The following MYO18B variants were observed in gnomAD, a reference collection of about 807,000 sequenced individuals.
The protein encoded by MYO18B is unconventional myosin-XVIIIb.
In MYO18B, 204 loss-of-function variants were observed where a neutral mutation model predicts 273.0. The observed-to-expected ratio is 0.75, with a 90% CI of 0.67 to 0.84. The LOEUF (loss-of-function observed/expected upper bound fraction) is 0.84, where lower values mean the gene tolerates loss of function less well. Ranked by LOEUF, MYO18B falls within the 40% of genes least tolerant of loss-of-function variation. The pLI is 0.00. For synonymous variants in MYO18B, 1,330 were observed against 1,305.7 expected, an observed-to-expected ratio of 1.02 and a Z score of -0.40; for missense variants, 3,212 against 3,287.6, an observed-to-expected ratio of 0.98 and a Z score of 0.56.
At chr22:25,802,690 T>C (rs2088260025) in intron 12 of MYO18B, among the ~76,000 whole-genome samples, 1 of 149,584 alleles carries the variant, frequency 6.7e-6, no homozygotes, top group South Asian at 2.2e-4. Context: ...GAGGCAGAGC[T>C]TGCGGTGAGC....
At chr22:25,859,833 A>T (rs2090679385) in intron 21 of MYO18B, among the ~76,000 whole-genome samples, 1 of 152,168 alleles carries the variant, frequency 6.6e-6, no homozygotes, top group African/African-American at 2.4e-5. Context: ...ATAATGATGC[A>T]CAGAGATTTT....
chr22:25,809,295 G>T (rs1466438793), intron 12 of MYO18B, among the ~76,000 whole-genome samples: 1 of 152,092 alleles, frequency 6.6e-6, no homozygotes, highest in Admixed American at 6.5e-5. Flanking sequence ...GAGTTGATGT[G>T]CATCTCCCTG....
At chr22:25,953,660 A>C (rs2092817148) in intron 38 of MYO18B, 1 of 152,246 alleles carries the variant, frequency 6.6e-6, no homozygotes, top group Non-Finnish European at 1.5e-5. Context: ...ACTTTGATCT[A>C]CTATATTTTA....
At chr22:25,848,275 G>C (rs73169001) in intron 20 of MYO18B, among the ~76,000 whole-genome samples, 4 of 152,154 alleles carry the variant, frequency 2.6e-5, no homozygotes, top group African/African-American at 9.7e-5. Context: ...AGCACCCAGG[G>C]ATACGGGAGG....
intron 42 of MYO18B, among the ~76,000 whole-genome samples, chr22:26,011,958 A>C (rs1934952807): frequency 6.6e-6 from 1 of 152,156 alleles, no homozygotes. Flanking sequence ...GCAGGAGAAA[A>C]TTTGCTTTCT....
the MYO18B span, among the ~76,000 whole-genome samples, chr22:26,036,759 C>T: frequency 6.6e-6 from 1 of 152,168 alleles, no homozygotes; most frequent in Non-Finnish European, 1.5e-5. Flanking sequence ...AGAGGTTCTG[C>T]AGCAAAAGGT....
At position 25,891,415 on chromosome 22, in the gene MYO18B, G is replaced by A. The variant is rs2091658595; in HGVS notation, c.4543+3G>A. On this transcript the variant is annotated splice_donor_region_variant and intron_variant, in intron 27 of 43. Coordinates refer to ENST00000335473, the MANE Select transcript of MYO18B (RefSeq NM_032608.7). ...GGAAAGGAATCCCACTGGAGGAGGT[G>A]AGCAGCCTGGGACCCTTGGGGCTGG... is the stretch of plus-strand genomic sequence containing the variant. The A allele has an allele frequency of 6.4e-7, 1 of 1,555,468 alleles. No individual in the cohort carries two copies. The highest frequency in any genetic ancestry group is 1.9e-5 in the Admixed American group (1 of 53,480).
chr22:25,836,825 G>A (rs1000726518), intron 17 of MYO18B, among the ~76,000 whole-genome samples: 2 of 152,122 alleles, frequency 1.3e-5, no homozygotes, highest in African/African-American at 4.8e-5. Flanking sequence ...AGCTGGGTGT[G>A]ATGGCGCATG....
At chr22:25,948,234 CATCT>C (rs1010992445) in intron 36 of MYO18B, among the ~76,000 whole-genome samples, 1 of 152,144 alleles carries the variant, frequency 6.6e-6, no homozygotes, top group East Asian at 1.9e-4. Context: ...ACCACCCATC[CATCT>C]GTCTGTCCAA....
intron 39 of MYO18B, among the ~76,000 whole-genome samples, chr22:25,985,326 A>G (rs2093189834): frequency 6.6e-6 from 1 of 152,202 alleles, no homozygotes; most frequent in Non-Finnish European, 1.5e-5. Context: ...GTGCCACCGC[A>G]CTTCAGCCTA....
intron 29 of MYO18B, 137 bp from the exon 30 acceptor site, chr22:25,902,476 T>C (rs1211439580): frequency 2.1e-6 from 2 of 970,716 alleles, no homozygotes; most frequent in Non-Finnish European, 2.9e-6. Context: ...TTTCTCTATC[T>C]CTCTTCTTCC....
At chr22:25,773,568 A>G (rs185566502) in intron 7 of MYO18B, among the ~76,000 whole-genome samples, 2,283 of 152,202 alleles carry the variant, frequency 0.015, 53 homozygotes, top group African/African-American at 0.051. Context: ...GGTTCACGCC[A>G]TTCTCCTGCC....
chr22:25,876,658 ATTTT>A (rs2091208839), intron 24 of MYO18B, among the ~76,000 whole-genome samples: 1 of 123,086 alleles, frequency 8.1e-6, no homozygotes, highest in Admixed American at 8.4e-5. Context: ...TTATTTATTT[ATTTT>A]ACCTCTCAGA....
intron 20 of MYO18B, among the ~76,000 whole-genome samples, chr22:25,848,074 G>A (rs1240189035): frequency 2.6e-5 from 4 of 152,074 alleles, no homozygotes; most frequent in African/African-American, 9.7e-5. Flanking sequence ...ATTATTTCTA[G>A]AATTGCCTGT....
the MYO18B span, among the ~76,000 whole-genome samples, chr22:26,060,733 CACATATAT>C: frequency 6.6e-6 from 1 of 152,020 alleles, no homozygotes; most frequent in Non-Finnish European, 1.5e-5. Context: ...TACACATGCA[CACATATAT>C]ACATATACAC....
intron 1 of MYO18B, among the ~76,000 whole-genome samples, 167 bp from the exon 2 acceptor site, chr22:25,760,817 C>T (rs1162165265): frequency 6.6e-6 from 1 of 152,216 alleles, no homozygotes; most frequent in African/African-American, 2.4e-5. Context: ...CCTGCAGGGT[C>T]CTGCCTGACC....
At chr22:25,782,193 T>G (rs2087192864) in intron 10 of MYO18B, among the ~76,000 whole-genome samples, 1 of 152,216 alleles carries the variant, frequency 6.6e-6, no homozygotes, top group South Asian at 2.1e-4. Context: ...TGCATAGACC[T>G]TATAGGATTA....
chr22:25,758,753 G>C (rs2086207027), intron 1 of MYO18B, among the ~76,000 whole-genome samples: 1 of 151,592 alleles, frequency 6.6e-6, no homozygotes, highest in African/African-American at 2.4e-5. Flanking sequence ...TTTTGGGGGT[G>C]ATGAGAATTT....
rs574321975 is a variant in MYO18B at position 25,930,712 on chromosome 22, G to A, written c.5517+9303G>A. Among the ~76,000 whole-genome samples, 183 of 152,090 alleles carry A rather than the reference G, an allele frequency of 1.2e-3. 1 individual carries two copies. The highest frequency in any genetic ancestry group is 4.1e-3 in the African/African-American group (169 of 41,512). On this transcript the variant is annotated intron_variant, in intron 34 of 43. Coordinates refer to ENST00000335473, the MANE Select transcript of MYO18B (RefSeq NM_032608.7). ...TGGTCTTGAACTCCTGGGCTCAAGT[G>A]ATCCACCCGCCTTGGCGTCCCAAAG...
Sources: gnomAD v4.1 joint callset for allele counts (sites outside exome capture counted in the v4.1 genomes callset) on GRCh38, gnomAD v4.1.1 for gene constraint, MANE v1.5 for transcripts, NCBI Gene and HGNC (gene_info 2026-07-23, HGNC 2026-07-21) for gene names.